LYST: variants seen among roughly 807,000 people sequenced by gnomAD.
LYST encodes the protein lysosomal trafficking regulator.
LYST carries 192 observed loss-of-function variants against 413.6 expected under a neutral mutation model. That is an observed-to-expected ratio of 0.46 (90% CI 0.41 to 0.52). The LOEUF is 0.52. Ranked by LOEUF, LYST falls within the 20% of genes least tolerant of loss-of-function variation. The pLI is 0.00. For synonymous variants in LYST, 1,525 were observed against 1,567.3 expected (o/e 0.97, Z 0.64); for missense variants, 3,815 against 4,499.9 (o/e 0.85, Z 4.35).
chr1:235,664,187 G>T lies in LYST; in HGVS notation c.11196-132C>A. The T allele has an allele frequency of 1.3e-6, 1 of 792,698 alleles. No individual in the cohort carries two copies. 49.1% of individuals were successfully genotyped at this position (792,698 alleles called of 1,614,324 possible). The stretch of plus-strand genomic sequence containing the variant: ...AACAATTAACAGTAGTTCCCTCTAG[G>T]GAGTTTGCAGGGGGTAGATGTGGGA... On this transcript the variant is annotated intron_variant, in intron 51 of 52. Transcript: ENST00000389793. This position sits in a 1 kb window ranked among gnomAD's most constrained non-coding sequence, Gnocchi z 4.5.
intron 1 of LYST, among the ~76,000 whole-genome samples, chr1:235,881,968 G>A (rs1417245119): frequency 6.6e-6 from 1 of 151,950 alleles, no homozygotes; most frequent in East Asian, 1.9e-4. Context: ...GAATGTGAAT[G>A]TACAGTTAAT....
chr1:235,814,970 A>G (rs1673889352), intron 3 of LYST, among the ~76,000 whole-genome samples: 1 of 151,920 alleles, frequency 6.6e-6, no homozygotes, highest in African/African-American at 2.4e-5. Context: ...CCTCACATAC[A>G]CTGTTTCTGC....
chr1:235,680,018 T>C (rs1364260927), intron 48 of LYST, among the ~76,000 whole-genome samples: 4 of 150,522 alleles, frequency 2.7e-5, no homozygotes, highest in African/African-American at 9.8e-5. Context: ...TATCTATGTA[T>C]ACACACACAC....
chr1:235,850,910 C>T (rs775316474), intron 1 of LYST, among the ~76,000 whole-genome samples: 42 of 152,148 alleles, frequency 2.8e-4, no homozygotes, highest in Non-Finnish European at 5.0e-4. Flanking sequence ...ACAGGGAACA[C>T]TTCTGCACTG....
At chr1:235,720,173 CAAAAAAAAAAA>C (rs71576484) in intron 40 of LYST, among the ~76,000 whole-genome samples, 3 of 9,476 alleles carry the variant, frequency 3.2e-4, no homozygotes, top group Non-Finnish European at 9.0e-4. Context: ...GACTCTGTCT[CAAAAAAAAAAA>C]AAAAAAAAAA....
In LYST at chr1:235,755,475, T is replaced by C. The variant is rs529306869; in HGVS notation, c.7229+3A>G. 545 of 1,609,012 alleles carry C rather than the reference T, an allele frequency of 3.4e-4. 4 individuals carry two copies. The South Asian group carries it at 5.8e-3, about 17-fold the overall frequency. ...ATTATAGTGGAGGGAAGAACACACT[T>C]ACTCTTCATCAAGGCCAATATGTCG... On this transcript the variant is annotated splice_donor_region_variant and intron_variant, in intron 25 of 52. Transcript: ENST00000389793.
chr1:235,847,007 AAATACAG>A (rs1298086329), intron 1 of LYST, among the ~76,000 whole-genome samples: 1 of 152,210 alleles, frequency 6.6e-6, no homozygotes, highest in African/African-American at 2.4e-5. Context: ...GTAGACATCC[AAATACAG>A]AAGCATAAAG....
At chr1:235,777,523 T>G (rs576815017) in intron 16 of LYST, among the ~76,000 whole-genome samples, 3 of 152,336 alleles carry the variant, frequency 2.0e-5, no homozygotes, top group Middle Eastern at 6.8e-3. Context: ...ATCAATTGTA[T>G]AGATCACATC....
At chr1:235,665,932 G>A (rs1658414517) in intron 50 of LYST, among the ~76,000 whole-genome samples, 1 of 152,100 alleles carries the variant, frequency 6.6e-6, no homozygotes, top group African/African-American at 2.4e-5. Context: ...TGATAAAGCG[G>A]TTAGGAGGCA....
rs1215585643 is a variant in LYST at position 235,746,649 on chromosome 1, T to C, written c.7781-122A>G. On this transcript the variant is annotated intron_variant, in intron 28 of 52. Coordinates refer to ENST00000389793, the MANE Select transcript of LYST (RefSeq NM_000081.4). ...ACAACCTTATTTACTACAAAGTCAA[T>C]TTATAGAAAGGAAAGAGTGATTAAG... 10 of 728,986 alleles carry C rather than the reference T, an allele frequency of 1.4e-5. No homozygotes were observed. The Admixed American group carries it at 1.9e-4, about 14-fold the overall frequency. The allele number at this position is 728,986 out of a possible 1,614,324, so 45.2% of individuals were successfully genotyped here. A position where few individuals can be genotyped will look rare whatever the true frequency, so the allele number is the denominator to read the frequency against.
intron 1 of LYST, among the ~76,000 whole-genome samples, chr1:235,864,624 T>C (rs1680280398): frequency 6.6e-6 from 1 of 152,200 alleles, no homozygotes; most frequent in Non-Finnish European, 1.5e-5. Context: ...GCGCCCAGAA[T>C]GATCATTTTT....
chr1:235,727,921 A>G (rs1296964526), intron 38 of LYST, among the ~76,000 whole-genome samples, 155 bp downstream of exon 38: 2 of 152,198 alleles, frequency 1.3e-5, no homozygotes, highest in Non-Finnish European at 2.9e-5. Flanking sequence ...TTTTAAAATT[A>G]TATTTAAAAA....
chr1:235,663,169 G>T, intron 52 of LYST, 91 bp from the exon 53 acceptor site: 1 of 868,106 alleles, frequency 1.2e-6, no homozygotes, highest in Non-Finnish European at 1.9e-6. Flanking sequence ...GTGTAAAGAA[G>T]TTATCTTCAG....
In LYST at chr1:235,767,797, G is replaced by A. The variant is rs115322330; in HGVS notation, c.5923-1520C>T. Reference sequence around the variant, plus strand: ...GAAATCTGGCTCTTGCCTTATCCATGCTATTGAAATCTTGTAAGTCATTAA... The same window carrying A: ...GAAATCTGGCTCTTGCCTTATCCATACTATTGAAATCTTGTAAGTCATTAA... On this transcript the variant is annotated intron_variant, in intron 20 of 52. Coordinates refer to ENST00000389793, the MANE Select transcript of LYST (RefSeq NM_000081.4). Among the ~76,000 whole-genome samples, 958 of 152,162 alleles carry A rather than the reference G, an allele frequency of 6.3e-3. 6 individuals are homozygous for A. Among genetic ancestry groups the A allele is most frequent in the Middle Eastern group, 0.041 (12 of 294 alleles).
At chr1:235,737,370 A>G (rs1027843246) in intron 31 of LYST, 1 of 152,212 alleles carries the variant, frequency 6.6e-6, no homozygotes. Flanking sequence ...TAAACTCATG[A>G]CTTGTCTTTC....
intron 30 of LYST, among the ~76,000 whole-genome samples, chr1:235,743,504 C>T (rs959392651): frequency 5.9e-5 from 9 of 152,068 alleles, no homozygotes; most frequent in Non-Finnish European, 1.2e-4. Context: ...GTAAGTGACC[C>T]GCAGAAACCC....
rs1226261271 is a variant in LYST, at chr1:235,664,511, C to T, written c.11149G>A (p.Val3717Ile). The T allele has an allele frequency of 1.2e-6, 2 of 1,614,042 alleles. No individual in the cohort carries two copies. The highest frequency in any genetic ancestry group is 1.3e-5 in the African/African-American group (1 of 74,940). The change falls in exon 51 of 53, where the codon GTA (valine) becomes ATA (isoleucine). Residue 3717 changes from valine (V) to isoleucine (I), a missense_variant. Transcript: ENST00000389793. This position sits in a 1 kb window ranked among gnomAD's most constrained non-coding sequence, Gnocchi z 4.5. ...SVAFSNQPEG[V>I]SINVIAGGLE... is the part of the protein sequence containing the mutation. ...CCCCCAGCGATTACATTGATAGATACTCCCTCAGGCTGGTTGGAGAAAGCC... is the reference window on the plus strand; with the variant it reads ...CCCCCAGCGATTACATTGATAGATATTCCCTCAGGCTGGTTGGAGAAAGCC...
At position 235,791,964 on chromosome 1, in the gene LYST, C is replaced by T; in HGVS notation, c.4278G>A (p.Leu1426=). The part of the protein sequence containing the change: ...GILNSKAMGL[L]RRARVSRSKK... ...TGCTCCGTGAAACTCGTGCTCTTCT[C>T]AATAAACCCATGGCCTTACTGTTTA... Residue 1426 remains leucine, a synonymous_variant, in exon 12 of 53, where the codon TTG becomes TTA. Coordinates refer to ENST00000389793, the MANE Select transcript of LYST (RefSeq NM_000081.4). 6 of 1,614,086 alleles carry T rather than the reference C, an allele frequency of 3.7e-6. No individual in the cohort carries two copies. Among genetic ancestry groups the T allele is most frequent in the Non-Finnish European group, 5.1e-6 (6 of 1,180,010 alleles).
At chr1:235,875,800 C>T (rs1029863656) in intron 1 of LYST, among the ~76,000 whole-genome samples, 6 of 152,036 alleles carry the variant, frequency 3.9e-5, no homozygotes, top group Non-Finnish European at 7.4e-5. Context: ...AGGTATGGTA[C>T]TCAAGCCTGG....
Sources: allele counts gnomAD v4.1 joint callset (sites outside exome capture counted in the v4.1 genomes callset), GRCh38; gene constraint gnomAD v4.1.1; non-coding constraint Gnocchi (gnomAD v3.1); transcripts MANE v1.5; gene names NCBI Gene and HGNC (gene_info 2026-07-23, HGNC 2026-07-21).